Variants in CACNA1D observed in about 807,000 individuals in gnomAD.
CACNA1D encodes voltage-dependent L-type calcium channel subunit alpha-1D.
CACNA1D carries 55 observed loss-of-function variants against 257.1 expected under a neutral mutation model. That is an observed-to-expected ratio of 0.21 (90% CI 0.17 to 0.27). The LOEUF (loss-of-function observed/expected upper bound fraction) is 0.27, where lower values mean the gene tolerates loss of function less well. CACNA1D is among the 10% of genes least tolerant of loss of function. The pLI is 1.00. For missense variants in CACNA1D, 1,876 were observed against 2,784.0 expected (o/e 0.67, Z 7.34); for synonymous variants, 980 against 1,014.9 (o/e 0.97, Z 0.65).
intron 30 of CACNA1D, 139 bp downstream of exon 30, chr3:53,762,220 G>A (rs1253355426): frequency 1.4e-6 from 1 of 718,876 alleles, no homozygotes; most frequent in East Asian, 2.7e-5. Context: ...ATTTCCTAAT[G>A]AGAGCTGTAG....
rs778624473 is a variant in CACNA1D at position 53,501,765 on chromosome 3, AT to A, written c.483+48del. On this transcript the variant is annotated intron_variant, in intron 3 of 47. Transcript: ENST00000350061. The stretch of plus-strand genomic sequence containing the variant: ...CTGCTGGTCCTGGTATATGGTTATC[AT>A]TTGCTTCTATACTTAAACTGGCAGC... 15 of 1,064,472 alleles carry A rather than the reference AT, an allele frequency of 1.4e-5. No homozygotes were observed. In the South Asian group the frequency reaches 1.5e-4, roughly 11 times the overall value. 65.9% of individuals were successfully genotyped at this position (1,064,472 alleles called of 1,614,324 possible). A position where few individuals can be genotyped will look rare whatever the true frequency, so the allele number is the denominator to read the frequency against.
At chr3:53,779,399 A>G (rs1279061206) in intron 37 of CACNA1D, among the ~76,000 whole-genome samples, 1 of 151,486 alleles carries the variant, frequency 6.6e-6, no homozygotes, top group Admixed American at 6.6e-5. Flanking sequence ...GGAGGTGTAT[A>G]TGTATGTATG....
Position 53,762,057 on chromosome 3 carries a change from A to G in CACNA1D, c.3846A>G (p.Ile1282Met). The change falls in exon 30 of 48, where the codon ATA becomes ATG. Residue 1282 changes from isoleucine (I) to methionine (M), a missense_variant. Physicochemically the swap from Ile to Met is conservative, Grantham distance 10. Transcript: ENST00000350061. Reference sequence around the variant, plus strand: ...CCCTCATCGTAATCGGCAGCATTATAGACGTGGCCCTCAGCGAAGCAGACG... The same window carrying G: ...CCCTCATCGTAATCGGCAGCATTATGGACGTGGCCCTCAGCGAAGCAGACG... Reference protein sequence around the residue: ...FDSLIVIGSIIDVALSEADPT... With the variant: ...FDSLIVIGSIMDVALSEADPT... 1 of 1,613,524 alleles carries G rather than the reference A, an allele frequency of 6.2e-7. No individual in the cohort carries two copies. The highest frequency in any genetic ancestry group is 8.5e-7 in the Non-Finnish European group (1 of 1,179,386).
At chr3:53,507,755 A>G (rs2090916999) in intron 3 of CACNA1D, among the ~76,000 whole-genome samples, 1 of 152,210 alleles carries the variant, frequency 6.6e-6, no homozygotes. Flanking sequence ...TACCTTATAC[A>G]ACGAACCTCC....
At chr3:53,710,284 C>T (rs2094737283) in intron 9 of CACNA1D, 1 of 420,594 alleles carries the variant, frequency 2.4e-6, no homozygotes. Flanking sequence ...AGGCGGGCGT[C>T]CATTGCGTGA....
chr3:53,576,074 A>G (rs9826173), intron 3 of CACNA1D, among the ~76,000 whole-genome samples: 2,584 of 152,188 alleles, frequency 0.017, 56 homozygotes, highest in African/African-American at 0.059. Context: ...CAAGACGCTG[A>G]TGGTGTTGGT....
chr3:53,574,226 C>G (rs1056992535), intron 3 of CACNA1D, among the ~76,000 whole-genome samples: 4 of 152,218 alleles, frequency 2.6e-5, no homozygotes, highest in Non-Finnish European at 5.9e-5. Context: ...CCTGCTCACA[C>G]AGGCACCATG....
At chr3:53,534,324 G>C (rs1479735655) in intron 3 of CACNA1D, among the ~76,000 whole-genome samples, 1 of 152,160 alleles carries the variant, frequency 6.6e-6, no homozygotes, top group Non-Finnish European at 1.5e-5. Context: ...CAAATTGCTG[G>C]CTTAAGCTTT....
At chr3:53,703,584 T>G (rs1288548185) in intron 9 of CACNA1D, among the ~76,000 whole-genome samples, 1 of 152,240 alleles carries the variant, frequency 6.6e-6, no homozygotes, top group African/African-American at 2.4e-5. Context: ...GCAATGCATT[T>G]GACTGAGATG....
intron 3 of CACNA1D, among the ~76,000 whole-genome samples, chr3:53,504,812 A>G (rs1330247653): frequency 6.6e-6 from 1 of 152,156 alleles, no homozygotes; most frequent in Non-Finnish European, 1.5e-5. Flanking sequence ...TCAGTTTCTT[A>G]TAAGCAAACC....
intron 3 of CACNA1D, among the ~76,000 whole-genome samples, chr3:53,627,055 G>A (rs1427182051): frequency 1.3e-5 from 2 of 152,202 alleles, no homozygotes; most frequent in Non-Finnish European, 2.9e-5. Context: ...TTTTCTTCCT[G>A]GTTGGTTTTT....
intron 43 of CACNA1D, among the ~76,000 whole-genome samples, 168 bp from the exon 44 acceptor site, chr3:53,803,255 C>T (rs1353687682): frequency 6.6e-6 from 1 of 152,202 alleles, no homozygotes; most frequent in African/African-American, 2.4e-5. Flanking sequence ...GACACACACA[C>T]GGTGCTGTTG....
At chr3:53,503,171 T>C (rs1410417327) in intron 3 of CACNA1D, among the ~76,000 whole-genome samples, 1 of 152,236 alleles carries the variant, frequency 6.6e-6, no homozygotes, top group Admixed American at 6.5e-5. Flanking sequence ...GTTTGATATC[T>C]AGAGAATTTT....
chr3:53,794,647 C>T (rs1294029408), intron 40 of CACNA1D, among the ~76,000 whole-genome samples: 1 of 152,138 alleles, frequency 6.6e-6, no homozygotes, highest in Non-Finnish European at 1.5e-5. Context: ...ATTGAAGACC[C>T]TTGTGTGTCA....
In CACNA1D at chr3:53,495,293, C is replaced by T. The variant is rs1559747329; in HGVS notation, c.67+60C>T. ...TCCGATCCTGTCATGGTCCTCCAGC[C>T]CCCTCCCCCTTCCCCGCGGCGCTGG... On this transcript the variant is annotated intron_variant, in intron 1 of 47. Coordinates refer to ENST00000350061, the MANE Select transcript of CACNA1D (RefSeq NM_001128840.3). The surrounding 1 kb of genome is among the most constrained non-coding windows in gnomAD (Gnocchi z 5.1). 4 of 1,601,712 alleles carry T rather than the reference C, an allele frequency of 2.5e-6. No individual in the cohort carries two copies. The Admixed American group carries it at 5.0e-5, about 20-fold the overall frequency.
intron 16 of CACNA1D, 62 bp downstream of exon 16, chr3:53,730,618 G>A: frequency 8.0e-7 from 1 of 1,244,826 alleles, no homozygotes; most frequent in Non-Finnish European, 1.2e-6. Context: ...TGCAACAGTT[G>A]CAGCCTGCCA....
intron 3 of CACNA1D, among the ~76,000 whole-genome samples, chr3:53,542,442 G>A (rs2092318360): frequency 6.6e-6 from 1 of 151,898 alleles, no homozygotes; most frequent in Admixed American, 6.6e-5. Flanking sequence ...AGCAGAGCAT[G>A]GTGGTGGTGT....
intron 19 of CACNA1D, among the ~76,000 whole-genome samples, chr3:53,733,950 G>GTGTGTGTGTGTA (rs1553652586): frequency 1.4e-5 from 2 of 144,084 alleles, no homozygotes; most frequent in African/African-American, 5.2e-5. Flanking sequence ...GTGTGTGTGT[G>GTGTGTGTGTGTA]TGTATGTATG....
chr3:53,614,271 T>C (rs1205035375), intron 3 of CACNA1D, among the ~76,000 whole-genome samples: 1 of 152,178 alleles, frequency 6.6e-6, no homozygotes, highest in Non-Finnish European at 1.5e-5. Flanking sequence ...AAATTGTTTT[T>C]GTGTCATGAG....
Sources: gnomAD v4.1 joint callset for allele counts (sites outside exome capture counted in the v4.1 genomes callset) on GRCh38, gnomAD v4.1.1 for gene constraint, Gnocchi (gnomAD v3.1) non-coding constraint, MANE v1.5 for transcripts, NCBI Gene and HGNC (gene_info 2026-07-23, HGNC 2026-07-21) for gene names.